The following BUB1B variants were observed in gnomAD, a reference collection of about 807,000 sequenced individuals.
BUB1B encodes the protein BUB1 mitotic checkpoint serine/threonine kinase B.
A neutral mutation model predicts 137.7 loss-of-function variants in BUB1B; 86 were observed. The observed-to-expected ratio is 0.62, with a 90% CI of 0.52 to 0.75. The LOEUF (loss-of-function observed/expected upper bound fraction) is 0.75. Ranked by LOEUF, BUB1B falls within the 30% of genes least tolerant of loss-of-function variation. The pLI is 0.00. For synonymous variants in BUB1B, 420 were observed against 417.9 expected (o/e 1.00, Z -0.06); for missense variants, 1,130 against 1,236.9 (o/e 0.91, Z 1.30).
chr15:40,186,472 G>T (rs7170412), intron 8 of BUB1B, among the ~76,000 whole-genome samples: 1 of 133,456 alleles, frequency 7.5e-6, no homozygotes. Flanking sequence ...GAGTCTCGCT[G>T]TGTCGCCCAG....
chr15:40,176,534 G>A lies in BUB1B; in HGVS notation c.442G>A (p.Gly148Ser). The A allele has an allele frequency of 1.2e-6, 2 of 1,614,038 alleles. No individual in the cohort carries two copies. The highest frequency in any genetic ancestry group is 1.7e-6 in the Non-Finnish European group (2 of 1,179,998). The change falls in exon 5 of 23, where the codon GGT (glycine) becomes AGT (serine). Residue 148 changes from glycine to serine, a missense_variant. Transcript: ENST00000287598. ...MYSYLHNQGI[G>S]VSLAQFYISW... ...CAGTTACTTGCACAACCAAGGGATT[G>A]GTGTTTCACTTGCTCAGTTCTATAT... is the stretch of plus-strand genomic sequence containing the variant.
chr15:40,180,251 C>CTTTTTTTTTTTTTTTTT (rs34300396), intron 5 of BUB1B, among the ~76,000 whole-genome samples: 4 of 90,496 alleles, frequency 4.4e-5, no homozygotes, highest in African/African-American at 1.8e-4. Context: ...CGTTTCGTTT[C>CTTTTTTTTTTTTTTTTT]TTTTTTTTTT....
chr15:40,202,685 A>C lies in BUB1B; in HGVS notation c.1725A>C (p.Pro575=), dbSNP rs1042674657. The stretch of plus-strand genomic sequence containing the variant: ...TCACCTCAAATGAAGATGTGTCTCC[A>C]GATGTTTGTGTAAGGAGCAGTATCC... The part of the protein sequence containing the change: ...ESITSNEDVS[P]DVCDEFTGIE... Residue 575 remains proline, a synonymous_variant, in exon 14 of 23, where the codon CCA becomes CCC. Transcript: ENST00000287598. 3.1e-6 allele frequency: 5 copies of C among 1,612,598 alleles called. No homozygotes were observed. Among genetic ancestry groups the C allele is most frequent in the Non-Finnish European group, 4.2e-6 (5 of 1,178,740 alleles).
At chr15:40,167,939 G>A (rs1213758996) in intron 2 of BUB1B, among the ~76,000 whole-genome samples, 1 of 152,042 alleles carries the variant, frequency 6.6e-6, no homozygotes, top group East Asian at 1.9e-4. Flanking sequence ...GTTTTACATA[G>A]CAAGTCCAGC....
intron 5 of BUB1B, 103 bp downstream of exon 5, chr15:40,176,776 G>A: frequency 8.3e-7 from 1 of 1,200,948 alleles, no homozygotes; most frequent in South Asian, 1.4e-5. Context: ...GGCATGTTAA[G>A]TTTACTTAGT....
At chr15:40,188,704 A>G (rs1595521922) in intron 8 of BUB1B, among the ~76,000 whole-genome samples, 1 of 146,942 alleles carries the variant, frequency 6.8e-6, no homozygotes, top group Non-Finnish European at 1.5e-5. Flanking sequence ...TGCCTCAGCC[A>G]CCCGAGTAGC....
intron 1 of BUB1B, among the ~76,000 whole-genome samples, chr15:40,163,098 G>C (rs756749942): frequency 2.0e-5 from 3 of 152,142 alleles, no homozygotes; most frequent in African/African-American, 7.2e-5. Context: ...GTTAATTGGC[G>C]TGTCTAAATG....
In BUB1B at chr15:40,176,672, C is replaced by G; in HGVS notation, c.580C>G (p.Arg194Gly). The G allele has an allele frequency of 1.9e-6, 3 of 1,613,738 alleles. No individual in the cohort carries two copies. The highest frequency in any genetic ancestry group is 2.5e-6 in the Non-Finnish European group (3 of 1,179,756). Residue 194 changes from arginine (R) to glycine (G), a missense_variant and splice_region_variant, in exon 5 of 23, where the codon CGA (arginine) becomes GGA (glycine). By Grantham distance (125) the Arg-to-Gly change is moderately radical. Coordinates refer to ENST00000287598, the MANE Select transcript of BUB1B (RefSeq NM_001211.6). ...EPLERLQSQH[R>G]QFQARVSRQT... ...ACTAGAAAGACTACAGTCCCAGCAC[C>G]GGTAAACTTTCTTTGGAGCTTGTCT...
rs2037638055 is a variant in BUB1B at position 40,206,434 on chromosome 15, A to G, written c.1985A>G (p.Gln662Arg). The change falls in exon 15 of 23, where the codon CAG becomes CGG. Residue 662 changes from glutamine to arginine, a missense_variant. Coordinates refer to ENST00000287598, the MANE Select transcript of BUB1B (RefSeq NM_001211.6). ...QQTACGTIYS[Q>R]TLSIKKLSPI... is the part of the protein sequence containing the mutation. Reference sequence around the variant, plus strand: ...ACAGCTTGTGGCACTATCTACAGTCAGACTCTCAGCATCAAGAAGCTGAGG... The same window carrying G: ...ACAGCTTGTGGCACTATCTACAGTCGGACTCTCAGCATCAAGAAGCTGAGG... The G allele has an allele frequency of 1.2e-6, 2 of 1,614,224 alleles. No individual in the cohort carries two copies. Among genetic ancestry groups the G allele is most frequent in the Non-Finnish European group, 1.7e-6 (2 of 1,180,040 alleles).
In BUB1B at chr15:40,217,684, C is replaced by G; in HGVS notation, c.2850+17C>G. 1.2e-6 allele frequency: 2 copies of G among 1,613,912 alleles called. No individual in the cohort carries two copies. The highest frequency in any genetic ancestry group is 1.7e-6 in the Non-Finnish European group (2 of 1,179,844). On this transcript the variant is annotated intron_variant, in intron 21 of 22. Coordinates refer to ENST00000287598, the MANE Select transcript of BUB1B (RefSeq NM_001211.6). ...CCCTACCAGGTAAGTGTAAAACAAG[C>G]CTGAGCAAATATGGAGAGGGTTTCT...
At chr15:40,181,139 T>G (rs2037287744) in intron 5 of BUB1B, among the ~76,000 whole-genome samples, 1 of 151,200 alleles carries the variant, frequency 6.6e-6, no homozygotes, top group Non-Finnish European at 1.5e-5. Context: ...TTGCCTAGGC[T>G]GGAGTGCAGT....
chr15:40,216,274 C>CA (rs1354244168), intron 20 of BUB1B, among the ~76,000 whole-genome samples: 2 of 151,930 alleles, frequency 1.3e-5, no homozygotes, highest in African/African-American at 2.4e-5. Context: ...CTCATCTCTA[C>CA]AAAAAATTAA....
intron 8 of BUB1B, among the ~76,000 whole-genome samples, chr15:40,192,847 C>A (rs1161494197): frequency 6.6e-6 from 1 of 152,122 alleles, no homozygotes; most frequent in Non-Finnish European, 1.5e-5. Context: ...TTGCGGTAGA[C>A]ATTCATGTGC....
chr15:40,172,402 C>A (rs2037174491), intron 4 of BUB1B, among the ~76,000 whole-genome samples: 1 of 152,108 alleles, frequency 6.6e-6, no homozygotes. Flanking sequence ...CTACTGTTGA[C>A]CAGACGCCTT....
intron 1 of BUB1B, among the ~76,000 whole-genome samples, chr15:40,164,418 G>A (rs1334458093): frequency 6.6e-6 from 1 of 151,964 alleles, no homozygotes; most frequent in South Asian, 2.1e-4. Flanking sequence ...GTAGAGATGG[G>A]GGTCTTCCTA....
At chr15:40,194,005 CTGTG>C (rs1457842487) in intron 8 of BUB1B, among the ~76,000 whole-genome samples, 3 of 152,032 alleles carry the variant, frequency 2.0e-5, no homozygotes, top group African/African-American at 7.2e-5. Flanking sequence ...TTACAGGCCA[CTGTG>C]TCCAACTTCC....
intron 5 of BUB1B, among the ~76,000 whole-genome samples, chr15:40,183,221 A>G (rs567341599): frequency 9.9e-5 from 15 of 152,276 alleles, no homozygotes; most frequent in African/African-American, 3.6e-4. Context: ...CTAAAGTACA[A>G]TGTCATGTCA....
chr15:40,216,324 G>C (rs1447991285), intron 20 of BUB1B, among the ~76,000 whole-genome samples: 1 of 151,910 alleles, frequency 6.6e-6, no homozygotes, highest in African/African-American at 2.4e-5. Context: ...AGTAGTCCCA[G>C]CTACTCGGGA....
chr15:40,183,842 C>T lies in BUB1B; in HGVS notation c.710C>T (p.Thr237Ile), dbSNP rs1290523114. The T allele has an allele frequency of 6.2e-7, 1 of 1,614,106 alleles. No individual in the cohort carries two copies. Among genetic ancestry groups the T allele is most frequent in the Non-Finnish European group, 8.5e-7 (1 of 1,179,976 alleles). Reference protein sequence around the residue: ...LAELKSKGKKTARAPIIRVGG... With the variant: ...LAELKSKGKKIARAPIIRVGG... The stretch of plus-strand genomic sequence containing the variant: ...GAACTAAAGAGCAAAGGGAAAAAGA[C>T]AGCAAGAGCTCCAATCATCCGTGTA... Residue 237 changes from threonine to isoleucine, a missense_variant, in exon 6 of 23, where the codon ACA becomes ATA. Thr to Ile is a moderately conservative substitution (Grantham distance 89). Coordinates refer to ENST00000287598, the MANE Select transcript of BUB1B (RefSeq NM_001211.6).
Sources: allele counts gnomAD v4.1 joint callset (sites outside exome capture counted in the v4.1 genomes callset), GRCh38; gene constraint gnomAD v4.1.1; transcripts MANE v1.5; gene names NCBI Gene and HGNC (gene_info 2026-07-23, HGNC 2026-07-21).